Variants in PLEKHM3 observed in about 807,000 individuals in gnomAD.
The protein encoded by PLEKHM3 is pleckstrin homology domain-containing family M member 3.
A neutral mutation model predicts 81.8 loss-of-function variants in PLEKHM3; 45 were observed. That is an observed-to-expected ratio of 0.55 (90% CI 0.43 to 0.71). PLEKHM3 has a LOEUF of 0.71. PLEKHM3 is among the 30% of genes least tolerant of loss of function. The probability of loss-of-function intolerance (pLI) is 0.00; values close to 1 mark genes in which losing one functional copy is unlikely to be tolerated. For missense variants in PLEKHM3, 788 were observed against 924.3 expected (o/e 0.85, Z 1.91); for synonymous variants, 352 against 356.4 (o/e 0.99, Z 0.14).
intron 2 of PLEKHM3, among the ~76,000 whole-genome samples, chr2:207,989,524 C>T (rs1343849352): frequency 6.6e-6 from 1 of 152,166 alleles, no homozygotes; most frequent in Non-Finnish European, 1.5e-5. Context: ...CCTTTCTTTT[C>T]CTTTTCACAA....
intron 3 of PLEKHM3, among the ~76,000 whole-genome samples, chr2:207,971,160 C>T (rs777702770): frequency 1.3e-5 from 2 of 152,190 alleles, no homozygotes; most frequent in Non-Finnish European, 2.9e-5. Flanking sequence ...CACTCAGAAA[C>T]AAGTCCTTGG....
At chr2:207,848,821 C>T (rs1202859685) in intron 7 of PLEKHM3, among the ~76,000 whole-genome samples, 2 of 152,204 alleles carry the variant, frequency 1.3e-5, no homozygotes, top group Non-Finnish European at 2.9e-5. Flanking sequence ...CCATGTTCTT[C>T]AGGACAAGCT....
chr2:207,832,544 C>T (rs1371517489), intron 7 of PLEKHM3, among the ~76,000 whole-genome samples: 1 of 152,148 alleles, frequency 6.6e-6, no homozygotes, highest in East Asian at 1.9e-4. Flanking sequence ...GTAATCCCAG[C>T]ACTTTGGGAG....
At position 207,888,099 on chromosome 2, in the gene PLEKHM3, C is replaced by T. The variant is rs373174954; in HGVS notation, c.1950+20415G>A. Among the ~76,000 whole-genome samples, 5 of 152,214 alleles carry T rather than the reference C, an allele frequency of 3.3e-5. No individual in the cohort carries two copies. In the East Asian group the frequency reaches 9.7e-4, roughly 29 times the overall value. The stretch of plus-strand genomic sequence containing the variant: ...CTTTACCACCTCCCTTTCCTCTCCA[C>T]CCAGTTCTGGCTCTTCCTTCCTCCA... On this transcript the variant is annotated intron_variant, in intron 6 of 7. Coordinates refer to ENST00000427836, the MANE Select transcript of PLEKHM3 (RefSeq NM_001080475.3).
rs1194861994 is a variant in PLEKHM3 at position 207,837,761 on chromosome 2, A to AT, written c.2109-9266dup. Among the ~76,000 whole-genome samples the AT allele has an allele frequency of 1.3e-4, 10 of 74,736 alleles. 2 individuals carry two copies. Among genetic ancestry groups the AT allele is most frequent in the African/African-American group, 4.1e-4 (8 of 19,418 alleles). 49.0% of individuals were successfully genotyped at this position (74,736 alleles called of 152,430 possible). A position where few individuals can be genotyped will look rare whatever the true frequency, so the allele number is the denominator to read the frequency against. On this transcript the variant is annotated intron_variant, in intron 7 of 7. Coordinates refer to ENST00000427836, the MANE Select transcript of PLEKHM3 (RefSeq NM_001080475.3). ...GCCACGGCGCCTGGCCGGTTCTTCC[A>AT]TTTTTTTTTTTTTTTTTTTTTTTTT... is the stretch of plus-strand genomic sequence containing the variant.
chr2:207,992,365 T>G (rs1450921579), intron 2 of PLEKHM3, among the ~76,000 whole-genome samples: 2 of 152,196 alleles, frequency 1.3e-5, no homozygotes, highest in African/African-American at 4.8e-5. Flanking sequence ...ACTAAGATAA[T>G]GAACACTTCT....
In PLEKHM3 at chr2:207,821,587, T is replaced by TA. The variant is rs2092217444; in HGVS notation, c.*6731dup. The TA allele has an allele frequency of 6.6e-6, 1 of 152,172 alleles. No homozygotes were observed. The highest frequency in any genetic ancestry group is 1.9e-4 in the East Asian group (1 of 5,202). The allele number at this position is 152,172 out of a possible 1,614,324, so 9.4% of individuals were successfully genotyped here. On this transcript the variant is annotated 3_prime_UTR_variant, in exon 8 of 8. Transcript: ENST00000427836. ...ATATAACAGCCCAGACCCAAAATTT[T>TA]AGTCATTTCTGTACTGTGTGAGCAG... is the stretch of plus-strand genomic sequence containing the variant.
intron 7 of PLEKHM3, among the ~76,000 whole-genome samples, chr2:207,848,346 A>T (rs1489271010): frequency 6.6e-6 from 1 of 152,228 alleles, no homozygotes. Flanking sequence ...AAGGTTACTG[A>T]CACATCTGGG....
rs1300594527 is a variant in PLEKHM3 at position 207,865,802 on chromosome 2, AGATATATATATAT to A, written c.1951-4553_1951-4541del. On this transcript the variant is annotated intron_variant, in intron 6 of 7. Transcript: ENST00000427836. ...GACTCAAAAAAAAAAAAAAAAAAAA[AGATATATATATAT>A]ATATATATATATATATATATATACT... Among the ~76,000 whole-genome samples the A allele has an allele frequency of 2.4e-3, 100 of 40,948 alleles. 9 individuals carry two copies. Among genetic ancestry groups the A allele is most frequent in the South Asian group, 0.011 (14 of 1,292 alleles). 26.9% of individuals were successfully genotyped at this position (40,948 alleles called of 152,430 possible).
rs1231853209 is a variant in PLEKHM3 at position 207,946,515 on chromosome 2, G to A, written c.1547-3C>T. 6.2e-7 allele frequency: 1 copy of A among 1,612,020 alleles called. No individual in the cohort carries two copies. Among genetic ancestry groups the A allele is most frequent in the Admixed American group, 1.7e-5 (1 of 59,488 alleles). ...AAGACCTATGGATCGCTGGCAGCCT[G>A]TTCAAGGAAAAAGGAAGAGTCTATG... On this transcript the variant is annotated splice_polypyrimidine_tract_variant and splice_region_variant and intron_variant, in intron 3 of 7. Coordinates refer to ENST00000427836, the MANE Select transcript of PLEKHM3 (RefSeq NM_001080475.3).
At position 208,001,504 on chromosome 2, in the gene PLEKHM3, C is replaced by T. The variant is rs1374455518; in HGVS notation, c.136G>A (p.Val46Met). ...VYGIQEVPEL[V>M]GHEVLSNITD... Reference sequence around the variant, plus strand: ...ATGTTACTGAGTACCTCATGCCCCACCAGTTCAGGGACTTCCTGGATCCCA... The same window carrying T: ...ATGTTACTGAGTACCTCATGCCCCATCAGTTCAGGGACTTCCTGGATCCCA... The change falls in exon 2 of 8, where the codon GTG (valine) becomes ATG (methionine). Residue 46 changes from valine (V) to methionine (M), a missense_variant. By Grantham distance (21) the Val-to-Met change is conservative. Coordinates refer to ENST00000427836, the MANE Select transcript of PLEKHM3 (RefSeq NM_001080475.3). The T allele has an allele frequency of 2.5e-6, 4 of 1,614,082 alleles. No homozygotes were observed. Among genetic ancestry groups the T allele is most frequent in the African/African-American group, 1.3e-5 (1 of 74,940 alleles).
At chr2:207,924,448 G>A (rs917694836) in intron 5 of PLEKHM3, among the ~76,000 whole-genome samples, 8 of 151,904 alleles carry the variant, frequency 5.3e-5, no homozygotes, top group Non-Finnish European at 1.2e-4. Context: ...ACTTGGGGAC[G>A]CCGAGGCAGG....
rs1362386007 is a variant in PLEKHM3 at position 207,821,670 on chromosome 2, GT to G, written c.*6648del. 6.6e-6 allele frequency: 1 copy of G among 151,856 alleles called. No homozygotes were observed. The highest frequency in any genetic ancestry group is 1.9e-4 in the East Asian group (1 of 5,172). The allele number at this position is 151,856 out of a possible 1,614,324, so 9.4% of individuals were successfully genotyped here. On this transcript the variant is annotated 3_prime_UTR_variant, in exon 8 of 8. Coordinates refer to ENST00000427836, the MANE Select transcript of PLEKHM3 (RefSeq NM_001080475.3). ...GAGCTACAGAACAAGTTTTGCAGAA[GT>G]TTTTTACATCACCACGTTCAATACT...
At chr2:207,895,200 C>G (rs1688183146) in intron 6 of PLEKHM3, among the ~76,000 whole-genome samples, 1 of 152,148 alleles carries the variant, frequency 6.6e-6, no homozygotes, top group South Asian at 2.1e-4. Context: ...CCCTCCCTCT[C>G]TCCTCTTGGC....
At chr2:207,918,892 A>G (rs553866008) in intron 5 of PLEKHM3, among the ~76,000 whole-genome samples, 1 of 152,362 alleles carries the variant, frequency 6.6e-6, no homozygotes, top group South Asian at 2.1e-4. Context: ...GGTTGAACAA[A>G]GCAAAACGTC....
chr2:208,005,411 T>A (rs1692464077), intron 1 of PLEKHM3, among the ~76,000 whole-genome samples: 1 of 152,226 alleles, frequency 6.6e-6, no homozygotes, highest in African/African-American at 2.4e-5. Context: ...TCTCAGACTT[T>A]ACCTGTTTTT....
At chr2:207,829,965 C>T (rs2092275920) in intron 7 of PLEKHM3, among the ~76,000 whole-genome samples, 1 of 152,158 alleles carries the variant, frequency 6.6e-6, no homozygotes, top group African/African-American at 2.4e-5. Context: ...TTCCTACCCA[C>T]CCTCATACCT....
At chr2:207,948,459 G>A (rs567012396) in intron 3 of PLEKHM3, among the ~76,000 whole-genome samples, 12 of 148,228 alleles carry the variant, frequency 8.1e-5, no homozygotes, top group Non-Finnish European at 1.6e-4. Flanking sequence ...GGGTTCAAGC[G>A]ATTCTCCTGC....
intron 5 of PLEKHM3, among the ~76,000 whole-genome samples, chr2:207,925,821 C>A (rs894214819): frequency 1.3e-5 from 2 of 152,178 alleles, no homozygotes; most frequent in African/African-American, 2.4e-5. Context: ...GACACCCCAA[C>A]ACATCTTCTG....
Sources: allele counts gnomAD v4.1 joint callset (sites outside exome capture counted in the v4.1 genomes callset), GRCh38; gene constraint gnomAD v4.1.1; transcripts MANE v1.5; gene names NCBI Gene and HGNC (gene_info 2026-07-23, HGNC 2026-07-21).